The following ACSBG2 variants were observed in gnomAD, a reference collection of about 807,000 sequenced individuals.
ACSBG2 encodes acyl-CoA synthetase bubblegum family member 2, also known as long-chain-fatty-acid--CoA ligase ACSBG2.
ACSBG2 carries 62 observed loss-of-function variants against 74.7 expected under a neutral mutation model. The observed-to-expected ratio is 0.83, with a 90% CI of 0.68 to 1.03. ACSBG2 has a LOEUF of 1.03. Ranked by LOEUF, ACSBG2 falls within the 50% of genes least tolerant of loss-of-function variation. ACSBG2 has a pLI of 0.00. For missense variants in ACSBG2, 730 were observed against 817.6 expected (o/e 0.89, Z 1.31); for synonymous variants, 309 against 294.1 (o/e 1.05, Z -0.52).
intron 7 of ACSBG2, among the ~76,000 whole-genome samples, chr19:6,169,814 T>C (rs1322445812): frequency 6.6e-6 from 1 of 152,170 alleles, no homozygotes; most frequent in African/African-American, 2.4e-5. Flanking sequence ...TAAATGTGTC[T>C]GTGGGTATTT....
chr19:6,179,109 A>G (rs1331833150), intron 8 of ACSBG2, among the ~76,000 whole-genome samples: 1 of 152,150 alleles, frequency 6.6e-6, no homozygotes, highest in Non-Finnish European at 1.5e-5. Context: ...CTGATAGGAC[A>G]TCAACAGCAT....
Position 6,187,326 on chromosome 19 carries a change from T to C in ACSBG2, c.1584T>C (p.Pro528=). 2 of 1,614,136 alleles carry C rather than the reference T, an allele frequency of 1.2e-6. No homozygotes were observed. The highest frequency in any genetic ancestry group is 1.7e-6 in the Non-Finnish European group (2 of 1,180,012). The change falls in exon 12 of 15, where the codon CCT becomes CCC. Residue 528 remains proline, a synonymous_variant. Transcript: ENST00000588485. ...TAGGENVPPI[P]VETLVKKKIP... is the part of the protein sequence containing the mutation. ...GTGGTGAAAATGTGCCCCCCATTCC[T>C]GTTGAGACCTTGGTTAAGAAGAAGA...
At chr19:6,149,101 A>AAAAC (rs951113168) in intron 3 of ACSBG2, among the ~76,000 whole-genome samples, 9 of 152,230 alleles carry the variant, frequency 5.9e-5, no homozygotes, top group South Asian at 2.1e-4. Flanking sequence ...TCCATCTCAA[A>AAAAC]AAACAAACAA....
rs780871830 is a variant in ACSBG2, at chr19:6,182,802, G to C, written c.958G>C (p.Val320Leu). The C allele has an allele frequency of 6.2e-7, 1 of 1,614,186 alleles. No individual in the cohort carries two copies. The highest frequency in any genetic ancestry group is 1.1e-5 in the South Asian group (1 of 91,084). Residue 320 changes from valine to leucine, a missense_variant, in exon 9 of 15, where the codon GTG becomes CTG. Physicochemically the swap from Val to Leu is conservative, Grantham distance 32. Coordinates refer to ENST00000588485, the MANE Select transcript of ACSBG2 (RefSeq NM_030924.5). ...GGTAAAACCTACTGTCTTCATTGGA[G>C]TGCCTCAAATTTGGGAGAAGATACA... is the stretch of plus-strand genomic sequence containing the variant. ...KEVKPTVFIG[V>L]PQIWEKIHEM...
chr19:6,190,450 A>T, intron 13 of ACSBG2, 134 bp from the exon 14 acceptor site: 2 of 685,296 alleles, frequency 2.9e-6, no homozygotes, highest in Non-Finnish European at 5.2e-6. Context: ...CAAAAGTTAC[A>T]CACCCTGAAA....
intron 8 of ACSBG2, among the ~76,000 whole-genome samples, chr19:6,181,400 A>C (rs964265026): frequency 7.2e-5 from 11 of 151,964 alleles, no homozygotes; most frequent in Non-Finnish European, 1.2e-4. Context: ...AAATGAAAAA[A>C]ATTGGTTGCA....
intron 7 of ACSBG2, chr19:6,175,750 A>G (rs2145198260): frequency 6.6e-6 from 1 of 152,354 alleles, no homozygotes; most frequent in East Asian, 1.9e-4. Flanking sequence ...AGGTACACTA[A>G]AACTTTACAT....
At chr19:6,147,355 C>A in intron 2 of ACSBG2, 91 bp from the exon 3 acceptor site, 10 of 998,174 alleles carry the variant, frequency 1.0e-5, no homozygotes, top group South Asian at 1.4e-5. Flanking sequence ...ACTCTCAGCA[C>A]CTTAGGTCCA....
chr19:6,156,876 T>C (rs1021697673), intron 5 of ACSBG2, among the ~76,000 whole-genome samples: 4 of 151,682 alleles, frequency 2.6e-5, no homozygotes, highest in Admixed American at 6.6e-5. Context: ...CTTGAACTCC[T>C]GGTCTCAACT....
chr19:6,141,554 C>T lies in ACSBG2; in HGVS notation c.11C>T (p.Thr4Ile), dbSNP rs780587518. Residue 4 changes from threonine to isoleucine, a missense_variant, in exon 2 of 15, where the codon ACC becomes ATC. Physicochemically the swap from Thr to Ile is moderately conservative, Grantham distance 89. Transcript: ENST00000588485. MTG[T>I]PKTQEGAKDL... ...TTCTGCACACCTGGAATGACTGGAA[C>T]CCCAAAGACTCAAGAAGGAGCTAAA... is the stretch of plus-strand genomic sequence containing the variant. 1 of 1,611,146 alleles carries T rather than the reference C, an allele frequency of 6.2e-7. No homozygotes were observed. The highest frequency in any genetic ancestry group is 1.7e-5 in the Admixed American group (1 of 59,996).
intron 10 of ACSBG2, among the ~76,000 whole-genome samples, chr19:6,184,076 A>G (rs142995407): frequency 6.6e-6 from 1 of 152,318 alleles, no homozygotes; most frequent in South Asian, 2.1e-4. Context: ...GATTACAGGC[A>G]TGAACCACCA....
chr19:6,161,287 T>A lies in ACSBG2; in HGVS notation c.580T>A (p.Leu194Met). ...ACTGCCAATGAAGAAGAACAACAACTTGTACTCTGTAAGTGTGGGAGGTGG... is the reference window on the plus strand; with the variant it reads ...ACTGCCAATGAAGAAGAACAACAACATGTACTCTGTAAGTGTGGGAGGTGG... ...YRLPMKKNNN[L>M]YSWDDFMELG... Residue 194 changes from leucine to methionine, a missense_variant, in exon 6 of 15, where the codon TTG becomes ATG. By Grantham distance (15) the Leu-to-Met change is conservative. Transcript: ENST00000588485. The A allele has an allele frequency of 6.2e-7, 1 of 1,612,542 alleles. No individual in the cohort carries two copies. Among genetic ancestry groups the A allele is most frequent in the Non-Finnish European group, 8.5e-7 (1 of 1,178,992 alleles).
chr19:6,170,580 T>G (rs942065219), intron 7 of ACSBG2, among the ~76,000 whole-genome samples: 2 of 152,232 alleles, frequency 1.3e-5, no homozygotes, highest in African/African-American at 4.8e-5. Context: ...TGATTTCTAA[T>G]TGTATTCCAC....
chr19:6,157,518 G>A (rs891742682), intron 5 of ACSBG2, among the ~76,000 whole-genome samples: 1 of 152,122 alleles, frequency 6.6e-6, no homozygotes, highest in African/African-American at 2.4e-5. Flanking sequence ...AGCCAAGACT[G>A]AGCCACTGCA....
intron 1 of ACSBG2, among the ~76,000 whole-genome samples, chr19:6,139,174 ACCT>A (rs1319241244): frequency 6.7e-6 from 1 of 149,770 alleles, no homozygotes; most frequent in African/African-American, 2.5e-5. Flanking sequence ...TACAACCTTC[ACCT>A]CCCAGGTTCA....
At chr19:6,141,823 T>C (rs535788027) in intron 2 of ACSBG2, among the ~76,000 whole-genome samples, 75 of 151,608 alleles carry the variant, frequency 4.9e-4, no homozygotes, top group African/African-American at 1.7e-3. Flanking sequence ...AGCCTTGACC[T>C]TCCAGGCTCA....
chr19:6,147,047 G>A (rs1253114077), intron 2 of ACSBG2, among the ~76,000 whole-genome samples: 1 of 152,078 alleles, frequency 6.6e-6, no homozygotes, highest in African/African-American at 2.4e-5. Context: ...GTTGCAGTGA[G>A]CTGTGATTGT....
intron 6 of ACSBG2, among the ~76,000 whole-genome samples, chr19:6,164,370 A>AAGCC (rs1440293646): frequency 6.6e-6 from 1 of 151,750 alleles, no homozygotes; most frequent in Admixed American, 6.6e-5. Context: ...TGCTCAGATG[A>AAGCC]AGCCAGCATC....
intron 10 of ACSBG2, among the ~76,000 whole-genome samples, chr19:6,184,859 A>C (rs1339987252): frequency 2.9e-4 from 42 of 143,986 alleles, no homozygotes; most frequent in African/African-American, 7.4e-4. Context: ...AAAAAAAAAA[A>C]AAAAAAAAAA....
Sources: gnomAD v4.1 joint callset for allele counts (sites outside exome capture counted in the v4.1 genomes callset) on GRCh38, gnomAD v4.1.1 for gene constraint, MANE v1.5 for transcripts, NCBI Gene and HGNC (gene_info 2026-07-23, HGNC 2026-07-21) for gene names.